The following USP34 variants were observed in gnomAD, a reference collection of about 807,000 sequenced individuals.
The protein encoded by USP34 is ubiquitin specific peptidase 34.
A neutral mutation model predicts 460.3 loss-of-function variants in USP34; 70 were observed. The ratio of observed to expected loss-of-function variants is 0.15; its 90% CI spans 0.13 to 0.19. The LOEUF (loss-of-function observed/expected upper bound fraction) is 0.19. Ranked by LOEUF, USP34 falls within the 10% of genes least tolerant of loss-of-function variation. The pLI is 1.00. For synonymous variants in USP34, 1,647 were observed against 1,405.3 expected, an observed-to-expected ratio of 1.17 and a Z score of -3.85; for missense variants, 3,985 against 4,236.2, an observed-to-expected ratio of 0.94 and a Z score of 1.65.
At chr2:61,404,979 G>A (rs1383138462) in intron 3 of USP34, among the ~76,000 whole-genome samples, 1 of 151,816 alleles carries the variant, frequency 6.6e-6, no homozygotes, top group African/African-American at 2.4e-5. Context: ...TGTAATCCCA[G>A]CACTTTGGGA....
In USP34 at chr2:61,256,990, T is replaced by C. The variant is rs778528190; in HGVS notation, c.6049-40A>G. On this transcript the variant is annotated intron_variant, in intron 46 of 79. Coordinates refer to ENST00000398571, the MANE Select transcript of USP34 (RefSeq NM_014709.4). ...TAAAAAATTAATAAAAACTAGTAAATTATAATATAAATGAAAATATATTAA... is the reference window on the plus strand; with the variant it reads ...TAAAAAATTAATAAAAACTAGTAAACTATAATATAAATGAAAATATATTAA... 1.4e-5 allele frequency: 20 copies of C among 1,423,562 alleles called. 1 individual carries two copies. The highest frequency in any genetic ancestry group is 1.3e-4 in the East Asian group (5 of 38,084). The allele number at this position is 1,423,562 out of a possible 1,614,324, so 88.2% of individuals were successfully genotyped here. A position where few individuals can be genotyped will look rare whatever the true frequency, so the allele number is the denominator to read the frequency against.
intron 51 of USP34, among the ~76,000 whole-genome samples, chr2:61,244,619 CA>C (rs61343219): frequency 0.024 from 2,987 of 122,686 alleles, 34 homozygotes; most frequent in African/African-American, 0.044. Context: ...GACTTGGGGG[CA>C]AAAAAAAAAA....
In USP34 at chr2:61,314,864, A is replaced by G. The variant is rs1007100420; in HGVS notation, c.3382+11T>C. The G allele has an allele frequency of 2.5e-6, 4 of 1,602,066 alleles. No homozygotes were observed. In the African/African-American group the frequency reaches 5.4e-5, roughly 22 times the overall value. On this transcript the variant is annotated intron_variant, in intron 24 of 79. Transcript: ENST00000398571. ...GAAATTACCTATCAGACAATGTTTC[A>G]AATCACTTACCATTAATATAATAGG...
At chr2:61,322,558 G>A (rs1053760542) in intron 21 of USP34, among the ~76,000 whole-genome samples, 5 of 152,184 alleles carry the variant, frequency 3.3e-5, no homozygotes, top group Non-Finnish European at 7.3e-5. Context: ...CAAACCCTGG[G>A]GTGGTGCCCT....
intron 27 of USP34, among the ~76,000 whole-genome samples, chr2:61,306,330 C>G (rs1249676359): frequency 6.6e-6 from 1 of 152,128 alleles, no homozygotes; most frequent in East Asian, 1.9e-4. Context: ...ATAGGGAATC[C>G]TTTCCCCATT....
intron 67 of USP34, among the ~76,000 whole-genome samples, chr2:61,215,536 C>T (rs1332636347): frequency 1.3e-5 from 2 of 152,172 alleles, no homozygotes; most frequent in African/African-American, 4.8e-5. Context: ...CCTGTAAAAG[C>T]AGTTACTATC....
At chr2:61,224,063 T>G (rs1378340234) in intron 62 of USP34, among the ~76,000 whole-genome samples, 1 of 152,238 alleles carries the variant, frequency 6.6e-6, no homozygotes, top group Non-Finnish European at 1.5e-5. Flanking sequence ...CCATTATTCA[T>G]GCCTAAATGA....
At chr2:61,405,091 G>C (rs945194485) in intron 3 of USP34, among the ~76,000 whole-genome samples, 6 of 151,906 alleles carry the variant, frequency 3.9e-5, no homozygotes, top group Non-Finnish European at 1.5e-5. Flanking sequence ...AACTTAGCCA[G>C]GTGTGGTGGC....
chr2:61,306,172 T>C (rs376499236), intron 27 of USP34, among the ~76,000 whole-genome samples: 62 of 152,322 alleles, frequency 4.1e-4, no homozygotes, highest in Admixed American at 1.1e-3. Flanking sequence ...CTGAATGGTA[T>C]TGCCTAGGTT....
chr2:61,282,394 T>C (rs964585691), intron 37 of USP34, among the ~76,000 whole-genome samples: 4 of 152,204 alleles, frequency 2.6e-5, no homozygotes, highest in African/African-American at 4.8e-5. Context: ...AATGCCAAGA[T>C]ACAGCTAATA....
intron 27 of USP34, among the ~76,000 whole-genome samples, chr2:61,309,494 G>A (rs937368936): frequency 1.3e-5 from 2 of 152,052 alleles, no homozygotes; most frequent in Non-Finnish European, 2.9e-5. Flanking sequence ...TGCATTGAGG[G>A]TTATCATGAC....
At chr2:61,206,929 GCTTA>G in intron 70 of USP34, 43 bp from the exon 71 acceptor site, 1 of 1,593,758 alleles carries the variant, frequency 6.3e-7, no homozygotes, top group Non-Finnish European at 8.6e-7. Context: ...TTTCATTTTT[GCTTA>G]CTGAGCCACA....
At chr2:61,346,698 G>C (rs994037137) in intron 15 of USP34, among the ~76,000 whole-genome samples, 2 of 123,318 alleles carry the variant, frequency 1.6e-5, no homozygotes, top group African/African-American at 6.0e-5. Flanking sequence ...GGTGGGGGGT[G>C]GGGGGCACCT....
chr2:61,271,379 T>C (rs1198886667), intron 41 of USP34, among the ~76,000 whole-genome samples: 1 of 152,220 alleles, frequency 6.6e-6, no homozygotes, highest in African/African-American at 2.4e-5. Context: ...TATTATTTAT[T>C]TCCATGAAGT....
chr2:61,393,758 C>G (rs1475117331), intron 5 of USP34, among the ~76,000 whole-genome samples: 1 of 152,148 alleles, frequency 6.6e-6, no homozygotes, highest in Non-Finnish European at 1.5e-5. Flanking sequence ...TAAAGGTACA[C>G]TGAACTTTTG....
At position 61,307,468 on chromosome 2, in the gene USP34, AAG is replaced by A. The variant is rs1379340658; in HGVS notation, c.3817+4070_3817+4071del. ...ACCCTAGAACTTTAATTTAAAAAAA[AAG>A]AGTTTATGAGACTTGGATGTTAATA... is the stretch of plus-strand genomic sequence containing the variant. On this transcript the variant is annotated intron_variant, in intron 27 of 79. Coordinates refer to ENST00000398571, the MANE Select transcript of USP34 (RefSeq NM_014709.4). 3.3e-5 allele frequency among the ~76,000 whole-genome samples: 5 copies of A among 152,230 alleles called. No individual in the cohort carries two copies. The East Asian group carries it at 9.7e-4, about 29-fold the overall frequency.
chr2:61,322,754 A>G (rs1017747692), intron 21 of USP34, among the ~76,000 whole-genome samples: 1 of 152,270 alleles, frequency 6.6e-6, no homozygotes, highest in Non-Finnish European at 1.5e-5. Flanking sequence ...GTTAATGTGT[A>G]GATTATTTGT....
rs572014054 is a variant in USP34, at chr2:61,233,635, G to A, written c.7033-1103C>T. The stretch of plus-strand genomic sequence containing the variant: ...GAAGCCTGGAGTTTGAGACCAGCTG[G>A]GCAACAAAGAGACTCTGTCTCTATA... On this transcript the variant is annotated intron_variant, in intron 57 of 79. Coordinates refer to ENST00000398571, the MANE Select transcript of USP34 (RefSeq NM_014709.4). Among the ~76,000 whole-genome samples the A allele has an allele frequency of 3.3e-5, 5 of 152,076 alleles. No individual in the cohort carries two copies. In the South Asian group the frequency reaches 1.0e-3, roughly 32 times the overall value.
intron 41 of USP34, among the ~76,000 whole-genome samples, chr2:61,272,317 G>A (rs960487445): frequency 9.9e-5 from 15 of 151,462 alleles, no homozygotes; most frequent in East Asian, 3.9e-4. Context: ...AGGCTGCAGC[G>A]GGAGAATGGT....
Sources: allele counts gnomAD v4.1 joint callset (sites outside exome capture counted in the v4.1 genomes callset), GRCh38; gene constraint gnomAD v4.1.1; transcripts MANE v1.5; gene names NCBI Gene and HGNC (gene_info 2026-07-23, HGNC 2026-07-21).